DPP10: variants seen among roughly 807,000 people sequenced by gnomAD.
The protein encoded by DPP10 is inactive dipeptidyl peptidase 10.
In DPP10, 33 loss-of-function variants were observed where a neutral mutation model predicts 120.9. The observed-to-expected ratio is 0.27, with a 90% confidence interval of 0.21 to 0.37. The LOEUF (loss-of-function observed/expected upper bound fraction) is 0.37. DPP10 is among the 10% of genes least tolerant of loss of function. The probability of loss-of-function intolerance (pLI) is 1.00; values close to 1 mark genes in which losing one functional copy is unlikely to be tolerated. For missense variants in DPP10, 816 were observed against 942.8 expected, an observed-to-expected ratio of 0.87 and a Z score of 1.76; for synonymous variants, 337 against 326.1, an observed-to-expected ratio of 1.03 and a Z score of -0.36.
At chr2:114,604,048 A>G (rs146264733) in intron 1 of DPP10, among the ~76,000 whole-genome samples, 34 of 152,152 alleles carry the variant, frequency 2.2e-4, no homozygotes, top group Non-Finnish European at 4.1e-4. Flanking sequence ...AGGATTGCTT[A>G]ATTTCTTCAG....
intron 1 of DPP10, among the ~76,000 whole-genome samples, chr2:115,039,524 G>A (rs963963814): frequency 6.6e-6 from 1 of 152,208 alleles, no homozygotes; most frequent in Admixed American, 6.5e-5. Context: ...TTATACCAGA[G>A]GTCAAGACCT....
chr2:114,487,459 AAATT>A (rs1376611686), intron 1 of DPP10, among the ~76,000 whole-genome samples: 1 of 152,188 alleles, frequency 6.6e-6, no homozygotes, highest in Non-Finnish European at 1.5e-5. Context: ...TGTCAAGTAA[AAATT>A]AAATCTGTTT....
At chr2:115,430,038 G>T (rs796371670) in intron 3 of DPP10, among the ~76,000 whole-genome samples, 3 of 152,256 alleles carry the variant, frequency 2.0e-5, no homozygotes, top group African/African-American at 7.2e-5. Context: ...CAGGTTCTGC[G>T]TGGTATTCTT....
intron 1 of DPP10, among the ~76,000 whole-genome samples, chr2:115,033,640 A>T (rs913741812): frequency 5.3e-5 from 8 of 151,600 alleles, no homozygotes; most frequent in Non-Finnish European, 1.0e-4. Flanking sequence ...ATTTCAGTTC[A>T]CATTCTACTC....
chr2:115,382,740 C>G (rs1413409728), intron 3 of DPP10, among the ~76,000 whole-genome samples: 1 of 152,172 alleles, frequency 6.6e-6, no homozygotes, highest in African/African-American at 2.4e-5. Flanking sequence ...TAGTTTTTCC[C>G]TTATTGCCAC....
chr2:114,984,568 G>A (rs1473932164), intron 1 of DPP10, among the ~76,000 whole-genome samples: 1 of 152,094 alleles, frequency 6.6e-6, no homozygotes, highest in Non-Finnish European at 1.5e-5. Flanking sequence ...GACACAGAAG[G>A]ATGGCTTTAG....
At chr2:115,712,566 A>ATATATATATATATAT (rs70941090) in intron 7 of DPP10, among the ~76,000 whole-genome samples, 41 of 121,572 alleles carry the variant, frequency 3.4e-4, no homozygotes, top group Non-Finnish European at 4.9e-4. Flanking sequence ...ATATATATAT[A>ATATATATATATATAT]AAGAAACTGT....
intron 7 of DPP10, among the ~76,000 whole-genome samples, chr2:115,693,993 T>C (rs1233063714): frequency 1.3e-5 from 2 of 152,150 alleles, no homozygotes; most frequent in African/African-American, 4.8e-5. Context: ...TTAAACACCT[T>C]AGGGAACTTT....
intron 21 of DPP10, among the ~76,000 whole-genome samples, chr2:115,820,295 G>T (rs1687677580): frequency 6.6e-6 from 1 of 151,500 alleles, no homozygotes; most frequent in Non-Finnish European, 1.5e-5. Context: ...GGGAATCATT[G>T]TTTTATCTTT....
chr2:114,480,571 G>A (rs1680935906), intron 1 of DPP10, among the ~76,000 whole-genome samples: 1 of 151,946 alleles, frequency 6.6e-6, no homozygotes, highest in Admixed American at 6.6e-5. Flanking sequence ...CATGGATGAA[G>A]CTGGAAACCA....
At chr2:114,997,219 T>C (rs568039970) in intron 1 of DPP10, among the ~76,000 whole-genome samples, 3 of 150,804 alleles carry the variant, frequency 2.0e-5, no homozygotes, top group Non-Finnish European at 4.4e-5. Context: ...ATAAAAGTCA[T>C]AGATGCACGC....
intron 17 of DPP10, among the ~76,000 whole-genome samples, chr2:115,785,448 A>G (rs1033827407): frequency 1.3e-5 from 2 of 152,200 alleles, no homozygotes; most frequent in Non-Finnish European, 2.9e-5. Context: ...GAATTTGAAT[A>G]TGGATCCATC....
intron 1 of DPP10, among the ~76,000 whole-genome samples, chr2:114,873,916 T>C (rs1690921719): frequency 6.6e-6 from 1 of 152,132 alleles, no homozygotes. Flanking sequence ...CAGAATGGGA[T>C]ACAAAACTTG....
At chr2:114,980,775 G>A (rs1700034901) in intron 1 of DPP10, among the ~76,000 whole-genome samples, 1 of 151,936 alleles carries the variant, frequency 6.6e-6, no homozygotes, top group African/African-American at 2.4e-5. Flanking sequence ...ATAAGCATGA[G>A]CCACTGCACC....
intron 19 of DPP10, among the ~76,000 whole-genome samples, chr2:115,796,516 A>G (rs1684545570): frequency 6.6e-6 from 1 of 152,144 alleles, no homozygotes; most frequent in African/African-American, 2.4e-5. Flanking sequence ...AGAAATGGAG[A>G]AATAAATGAT....
At chr2:114,503,427 T>G (rs1683371768) in intron 1 of DPP10, among the ~76,000 whole-genome samples, 1 of 152,218 alleles carries the variant, frequency 6.6e-6, no homozygotes, top group African/African-American at 2.4e-5. Context: ...ATGTCATTTC[T>G]TTTAAAAGGT....
chr2:114,800,827 T>A (rs1166692055), intron 1 of DPP10, among the ~76,000 whole-genome samples: 2 of 152,042 alleles, frequency 1.3e-5, no homozygotes, highest in Non-Finnish European at 2.9e-5. Context: ...TTGGTTAACA[T>A]TTTGCAGACA....
At chr2:115,401,923 A>G (rs910111337) in intron 3 of DPP10, among the ~76,000 whole-genome samples, 5 of 152,108 alleles carry the variant, frequency 3.3e-5, no homozygotes, top group African/African-American at 1.2e-4. Flanking sequence ...AACATCTACT[A>G]TAAATATTTT....
intron 1 of DPP10, among the ~76,000 whole-genome samples, chr2:114,512,973 A>G (rs191925463): frequency 3.3e-5 from 5 of 152,246 alleles, no homozygotes; most frequent in Non-Finnish European, 5.9e-5. Flanking sequence ...AAGGAGTTGC[A>G]TTTTACTGCT....
Sources: gnomAD v4.1 joint callset for allele counts (sites outside exome capture counted in the v4.1 genomes callset) on GRCh38, gnomAD v4.1.1 for gene constraint, MANE v1.5 for transcripts, NCBI Gene and HGNC (gene_info 2026-07-23, HGNC 2026-07-21) for gene names.